DAB1: variants seen among roughly 807,000 people sequenced by gnomAD.
DAB1 encodes the protein DAB adaptor protein 1, also known as disabled homolog 1.
Under a neutral mutation model 64.6 loss-of-function variants are expected in DAB1, and 15 were observed. The observed-to-expected ratio is 0.23, with a 90% CI of 0.16 to 0.36. The LOEUF (loss-of-function observed/expected upper bound fraction) is 0.36. Among genes scored for constraint, DAB1 ranks in the 10% least tolerant of loss-of-function variants. The pLI is 1.00. For synonymous variants in DAB1, 235 were observed against 251.9 expected, an observed-to-expected ratio of 0.93 and a Z score of 0.64; for missense variants, 596 against 706.7, an observed-to-expected ratio of 0.84 and a Z score of 1.78.
intron 7 of DAB1, among the ~76,000 whole-genome samples, chr1:57,622,263 C>G (rs1303051009): frequency 6.6e-6 from 1 of 152,102 alleles, no homozygotes; most frequent in African/African-American, 2.4e-5. Context: ...ATGAAGGGGA[C>G]TGTGCAAGGC....
chr1:58,360,204 G>A (rs1292085799), intron 3 of DAB1, among the ~76,000 whole-genome samples: 1 of 152,144 alleles, frequency 6.6e-6, no homozygotes, highest in Non-Finnish European at 1.5e-5. Context: ...GAGCACAGAG[G>A]AAGGTGTGAT....
At chr1:58,082,103 C>G (rs764636142) in intron 5 of DAB1, among the ~76,000 whole-genome samples, 2 of 152,226 alleles carry the variant, frequency 1.3e-5, no homozygotes, top group Non-Finnish European at 2.9e-5. Flanking sequence ...CACAGCCAGA[C>G]AGCAAGATAG....
At position 57,085,653 on chromosome 1, in the gene DAB1, C is replaced by G. The variant is rs116035200; in HGVS notation, c.307-13239G>C. On this transcript the variant is annotated intron_variant, in intron 4 of 14. Transcript: ENST00000371236. ...TTTTCTTCCTAACACAAACCACAGTCTAATGATCCCTTCATGTGTATAATT... is the reference window on the plus strand; with the variant it reads ...TTTTCTTCCTAACACAAACCACAGTGTAATGATCCCTTCATGTGTATAATT... 4.1e-3 allele frequency among the ~76,000 whole-genome samples: 624 copies of G among 152,320 alleles called. 4 individuals are homozygous for G. Among genetic ancestry groups the G allele is most frequent in the African/African-American group, 0.014 (565 of 41,570 alleles).
chr1:57,103,266 ATCC>A (rs1654846092), intron 4 of DAB1, among the ~76,000 whole-genome samples: 1 of 152,098 alleles, frequency 6.6e-6, no homozygotes, highest in South Asian at 2.1e-4. Context: ...AGACAGGAAG[ATCC>A]TCCAACTCCT....
chr1:57,725,627 A>G (rs948672847), intron 6 of DAB1, among the ~76,000 whole-genome samples: 16 of 152,238 alleles, frequency 1.1e-4, no homozygotes, highest in African/African-American at 3.4e-4. Context: ...CAGATAAGGA[A>G]AGAGAAGCAT....
At chr1:57,588,136 C>T (rs956976189) in intron 7 of DAB1, among the ~76,000 whole-genome samples, 3 of 152,204 alleles carry the variant, frequency 2.0e-5, no homozygotes, top group Admixed American at 2.0e-4. Context: ...ACTGGCTACA[C>T]ACACAAGAAA....
At chr1:57,319,817 G>T (rs1413629956) in intron 1 of DAB1, among the ~76,000 whole-genome samples, 1 of 151,930 alleles carries the variant, frequency 6.6e-6, no homozygotes, top group African/African-American at 2.4e-5. Flanking sequence ...AAATAACCTC[G>T]ATCAAAGAAA....
At chr1:58,047,446 T>C (rs910311249) in intron 5 of DAB1, among the ~76,000 whole-genome samples, 4 of 152,164 alleles carry the variant, frequency 2.6e-5, no homozygotes, top group Admixed American at 6.5e-5. Flanking sequence ...TGCTGCCCTC[T>C]GGTGGATGTA....
chr1:57,030,982 T>C (rs1245735068), intron 9 of DAB1, among the ~76,000 whole-genome samples: 1 of 152,226 alleles, frequency 6.6e-6, no homozygotes, highest in Non-Finnish European at 1.5e-5. Flanking sequence ...ATTTCAAATG[T>C]GTTGAACTCA....
chr1:57,791,835 AC>A (rs1650615346), intron 6 of DAB1, among the ~76,000 whole-genome samples: 1 of 151,942 alleles, frequency 6.6e-6, no homozygotes, highest in African/African-American at 2.4e-5. Flanking sequence ...CCAGTTAATC[AC>A]CCCAGGCTTG....
At chr1:57,205,134 C>G (rs540287780) in intron 2 of DAB1, among the ~76,000 whole-genome samples, 1 of 152,232 alleles carries the variant, frequency 6.6e-6, no homozygotes, top group East Asian at 1.9e-4. Flanking sequence ...TTCCTGTTAT[C>G]AAAGGCATAA....
intron 3 of DAB1, among the ~76,000 whole-genome samples, chr1:58,406,445 C>G (rs974675936): frequency 1.3e-5 from 2 of 152,222 alleles, no homozygotes; most frequent in Non-Finnish European, 2.9e-5. Context: ...CCCTGCTTAA[C>G]GAGGACATGA....
intron 5 of DAB1, among the ~76,000 whole-genome samples, chr1:58,125,411 A>G (rs532082393): frequency 6.6e-6 from 1 of 151,884 alleles, no homozygotes; most frequent in East Asian, 1.9e-4. Flanking sequence ...ACTACTAATA[A>G]TAGTCATAAT....
intron 7 of DAB1, among the ~76,000 whole-genome samples, chr1:57,607,067 GT>G (rs1558536452): frequency 7.6e-4 from 1 of 1,314 alleles, no homozygotes; most frequent in African/African-American, 8.9e-4. Context: ...GATTACAGGT[GT>G]GTGAGCCACC....
Position 57,176,904 on chromosome 1 carries a change from C to G in DAB1, c.68-31475G>C, listed in dbSNP as rs549057126. 5.0e-5 allele frequency among the ~76,000 whole-genome samples: 7 copies of G among 138,670 alleles called. No homozygotes were observed. In the East Asian group the frequency reaches 1.5e-3, roughly 30 times the overall value. 91.0% of individuals were successfully genotyped at this position (138,670 alleles called of 152,430 possible). On this transcript the variant is annotated intron_variant, in intron 2 of 14. Coordinates refer to ENST00000371236, the MANE Select transcript of DAB1 (RefSeq NM_001365792.1). ...GCAGAAAATGCCACCCAAAAAAGAA[C>G]ACTTTGGCATAAGGATTATTTTGAG... is the stretch of plus-strand genomic sequence containing the variant.
At position 57,062,944 on chromosome 1, in the gene DAB1, C is replaced by T; in HGVS notation, c.664-1G>A. The T allele has an allele frequency of 6.2e-7, 1 of 1,613,926 alleles. No individual in the cohort carries two copies. The highest frequency in any genetic ancestry group is 8.5e-7 in the Non-Finnish European group (1 of 1,179,852). ...CTTCCTTCTTTTGGCTGGTGGGAAC[C>T]TATGGAAAAATTAAATTCAGCACAG... On this transcript the variant is annotated splice_acceptor_variant, in intron 8 of 14. Coordinates refer to ENST00000371236, the MANE Select transcript of DAB1 (RefSeq NM_001365792.1). LOFTEE classifies it high-confidence loss of function.
At chr1:57,318,093 G>C (rs568739673) in intron 1 of DAB1, among the ~76,000 whole-genome samples, 2 of 139,028 alleles carry the variant, frequency 1.4e-5, no homozygotes, top group Non-Finnish European at 3.0e-5. Context: ...TCTACAAATC[G>C]CACACAGCAT....
chr1:57,367,118 T>TAAAAA (rs200326231), intron 1 of DAB1, among the ~76,000 whole-genome samples: 1 of 129,934 alleles, frequency 7.7e-6, no homozygotes. Context: ...TAAAATAAAA[T>TAAAAA]AAATAAATTA....
intron 3 of DAB1, among the ~76,000 whole-genome samples, chr1:58,410,747 G>C (rs1449154310): frequency 6.6e-6 from 1 of 152,210 alleles, no homozygotes; most frequent in Non-Finnish European, 1.5e-5. Context: ...TTGAAGGGCT[G>C]AAATTGTCAA....
Sources: allele counts gnomAD v4.1 joint callset (sites outside exome capture counted in the v4.1 genomes callset), GRCh38; gene constraint gnomAD v4.1.1; transcripts MANE v1.5; gene names NCBI Gene and HGNC (gene_info 2026-07-23, HGNC 2026-07-21).